CMC1: variants seen among roughly 807,000 people sequenced by gnomAD.
The protein encoded by CMC1 is COX assembly mitochondrial protein homolog.
CMC1 carries 14 observed loss-of-function variants against 14.1 expected under a neutral mutation model. The observed-to-expected ratio is 0.99, with a 90% CI of 0.66 to 1.55. The LOEUF (loss-of-function observed/expected upper bound fraction) is 1.55, where lower values mean the gene tolerates loss of function less well. Ranked by LOEUF, CMC1 falls within the 40% of genes most tolerant of loss-of-function variation. The pLI is 0.00. For synonymous variants in CMC1, 50 were observed against 38.4 expected (o/e 1.30, Z -1.12); for missense variants, 127 against 123.8 (o/e 1.03, Z -0.12).
chr3:28,259,950 TAGA>T (rs1158236426), intron 1 of CMC1, among the ~76,000 whole-genome samples: 6 of 152,216 alleles, frequency 3.9e-5, no homozygotes, highest in Non-Finnish European at 8.8e-5. Context: ...TGATGTAAGC[TAGA>T]AGATTTTTTG....
intron 2 of CMC1, among the ~76,000 whole-genome samples, chr3:28,267,722 T>G (rs1050879600): frequency 3.9e-5 from 6 of 152,226 alleles, no homozygotes; most frequent in African/African-American, 1.2e-4. Flanking sequence ...GTATGTTGTA[T>G]TTTGTGAAAT....
In CMC1 at chr3:28,261,806, C is replaced by G. The variant is rs578131531; in HGVS notation, c.20-1485C>G. ...TTCTCAAGTCCCACCATGGGCCCCT[C>G]AGAACCCATGTGTATGAAAAGTTGG... is the stretch of plus-strand genomic sequence containing the variant. On this transcript the variant is annotated intron_variant, in intron 1 of 3. Transcript: ENST00000466830. 2.0e-5 allele frequency among the ~76,000 whole-genome samples: 3 copies of G among 152,254 alleles called. No homozygotes were observed. The East Asian group carries it at 5.8e-4, about 29-fold the overall frequency.
chr3:28,301,508 A>G (rs533921929), intron 2 of CMC1, among the ~76,000 whole-genome samples: 1 of 152,312 alleles, frequency 6.6e-6, no homozygotes, highest in African/African-American at 2.4e-5. Context: ...GGCGTGAGCC[A>G]CTGCACTCGG....
intron 1 of CMC1, among the ~76,000 whole-genome samples, chr3:28,244,353 T>C (rs1190057539): frequency 6.6e-6 from 1 of 152,038 alleles, no homozygotes; most frequent in Non-Finnish European, 1.5e-5. Context: ...AAGATGGTAA[T>C]AGACAGATGG....
rs1344225587 is a variant in CMC1 at position 28,241,787 on chromosome 3, C to G, written c.-7C>G. The G allele has an allele frequency of 1.6e-6, 2 of 1,241,000 alleles. No individual in the cohort carries two copies. The highest frequency in any genetic ancestry group is 2.0e-6 in the Non-Finnish European group (2 of 988,128). The allele number at this position is 1,241,000 out of a possible 1,614,324, so 76.9% of individuals were successfully genotyped here. A position where few individuals can be genotyped will look rare whatever the true frequency, so the allele number is the denominator to read the frequency against. ...CCAAGCGGCTACGTTCTTCTCGGCCCGCCGAGATGGCGCTCGACCCCGCAG... is the reference window on the plus strand; with the variant it reads ...CCAAGCGGCTACGTTCTTCTCGGCCGGCCGAGATGGCGCTCGACCCCGCAG... On this transcript the variant is annotated 5_prime_UTR_variant, in exon 1 of 4. Transcript: ENST00000466830.
Position 28,322,250 on chromosome 3 carries a change from T to G in CMC1, c.*2621T>G, listed in dbSNP as rs566593795. 6.6e-6 allele frequency: 1 copy of G among 151,384 alleles called. No individual in the cohort carries two copies. The highest frequency in any genetic ancestry group is 6.6e-5 in the Admixed American group (1 of 15,134). The allele number at this position is 151,384 out of a possible 1,614,324, so 9.4% of individuals were successfully genotyped here. On this transcript the variant is annotated 3_prime_UTR_variant, in exon 4 of 4. Transcript: ENST00000466830. ...TTAAATGGAAAATAATTTTCTCCAC[T>G]CAAAAGCTGGTTTAACAAATGTCTA...
chr3:28,271,950 A>G (rs183195003), intron 2 of CMC1, among the ~76,000 whole-genome samples: 15 of 152,136 alleles, frequency 9.9e-5, no homozygotes, highest in East Asian at 9.7e-4. Context: ...TTCCTTGTAA[A>G]CTGTATTCCT....
At chr3:28,280,649 G>A (rs1293398891) in intron 2 of CMC1, among the ~76,000 whole-genome samples, 1 of 152,134 alleles carries the variant, frequency 6.6e-6, no homozygotes, top group Non-Finnish European at 1.5e-5. Flanking sequence ...GAAATGATAA[G>A]AGATGTACAA....
At position 28,320,285 on chromosome 3, in the gene CMC1, T is replaced by G. The variant is rs1026279964; in HGVS notation, c.*656T>G. The G allele has an allele frequency of 6.6e-5, 10 of 151,596 alleles. No individual in the cohort carries two copies. The highest frequency in any genetic ancestry group is 3.3e-4 in the Admixed American group (5 of 15,168). 9.4% of individuals were successfully genotyped at this position (151,596 alleles called of 1,614,324 possible). Reference sequence around the variant, plus strand: ...AGAATACCCAAGACCAGGTAATTTATAAGAAAAGTTTGTTTGGCTCACAGT... The same window carrying G: ...AGAATACCCAAGACCAGGTAATTTAGAAGAAAAGTTTGTTTGGCTCACAGT... On this transcript the variant is annotated 3_prime_UTR_variant, in exon 4 of 4. Coordinates refer to ENST00000466830, the MANE Select transcript of CMC1 (RefSeq NM_182523.2).
chr3:28,257,450 A>T (rs1576988624), intron 1 of CMC1, among the ~76,000 whole-genome samples: 1 of 152,266 alleles, frequency 6.6e-6, no homozygotes, highest in East Asian at 1.9e-4. Flanking sequence ...TTTATCACTA[A>T]GTAGTTTTTG....
In CMC1 at chr3:28,322,185, T is replaced by G. The variant is rs1703206937; in HGVS notation, c.*2556T>G. ...CTTTAAACTGTCACAGTCACTGACT[T>G]TTTAGTATACCTGTTTGATAGCTAT... On this transcript the variant is annotated 3_prime_UTR_variant, in exon 4 of 4. Coordinates refer to ENST00000466830, the MANE Select transcript of CMC1 (RefSeq NM_182523.2). The G allele has an allele frequency of 6.7e-6, 1 of 149,902 alleles. No individual in the cohort carries two copies. The highest frequency in any genetic ancestry group is 2.5e-5 in the African/African-American group (1 of 40,130). 9.3% of individuals were successfully genotyped at this position (149,902 alleles called of 1,614,324 possible).
At chr3:28,253,607 C>A (rs929670337) in intron 1 of CMC1, 88 of 368,608 alleles carry the variant, frequency 2.4e-4, no homozygotes, top group South Asian at 5.4e-4. Context: ...AACCAAAAAA[C>A]CCCCCAAAAA....
intron 2 of CMC1, among the ~76,000 whole-genome samples, chr3:28,287,672 T>G (rs1225908170): frequency 1.3e-5 from 2 of 151,988 alleles, no homozygotes; most frequent in Admixed American, 6.5e-5. Flanking sequence ...GCTATAAACT[T>G]TACTCCTTTT....
At chr3:28,295,618 A>G (rs1309936907) in intron 2 of CMC1, among the ~76,000 whole-genome samples, 3 of 152,086 alleles carry the variant, frequency 2.0e-5, no homozygotes, top group Admixed American at 6.6e-5. Flanking sequence ...CATACTGCTC[A>G]ATACTCCTTT....
Position 28,320,634 on chromosome 3 carries a change from A to G in CMC1, c.*1005A>G, listed in dbSNP as rs1296254477. ...CTACTTATATGAATTAATTTTACTT[A>G]CATCTTTGATGTAGAATTTTCTAAA... On this transcript the variant is annotated 3_prime_UTR_variant, in exon 4 of 4. Transcript: ENST00000466830. The G allele has an allele frequency of 6.9e-6, 1 of 145,620 alleles. No homozygotes were observed. Among genetic ancestry groups the G allele is most frequent in the Non-Finnish European group, 1.5e-5 (1 of 65,790 alleles). The allele number at this position is 145,620 out of a possible 1,614,324, so 9.0% of individuals were successfully genotyped here.
intron 2 of CMC1, among the ~76,000 whole-genome samples, chr3:28,307,748 T>C (rs1191582126): frequency 2.0e-5 from 3 of 152,218 alleles, no homozygotes; most frequent in South Asian, 2.1e-4. Context: ...TTTCTATTGC[T>C]ATTGTAACAA....
At chr3:28,284,805 C>T (rs1026938299) in intron 2 of CMC1, among the ~76,000 whole-genome samples, 4 of 151,860 alleles carry the variant, frequency 2.6e-5, no homozygotes, top group Admixed American at 6.6e-5. Flanking sequence ...AGGTTAAAAG[C>T]CAAATTATCT....
chr3:28,263,495 C>A, intron 2 of CMC1, 115 bp downstream of exon 2: 1 of 599,066 alleles, frequency 1.7e-6, no homozygotes, highest in African/African-American at 2.0e-5. Context: ...AATTGCTTCT[C>A]ACCCTTTCGC....
In CMC1 at chr3:28,272,937, G is replaced by C. The variant is rs550337933; in HGVS notation, c.109+9557G>C. Among the ~76,000 whole-genome samples, 5 of 152,098 alleles carry C rather than the reference G, an allele frequency of 3.3e-5. No homozygotes were observed. The East Asian group carries it at 9.7e-4, about 29-fold the overall frequency. On this transcript the variant is annotated intron_variant, in intron 2 of 3. Transcript: ENST00000466830. The stretch of plus-strand genomic sequence containing the variant: ...CCTGACCTTGTGATCTGCCCACCTT[G>C]GCCTCCCAAAGTGCTGGGATTACAG...
Sources: gnomAD v4.1 joint callset for allele counts (sites outside exome capture counted in the v4.1 genomes callset) on GRCh38, gnomAD v4.1.1 for gene constraint, MANE v1.5 for transcripts, NCBI Gene and HGNC (gene_info 2026-07-23, HGNC 2026-07-21) for gene names.